THSD4: variants seen among roughly 807,000 people sequenced by gnomAD.
THSD4 encodes the protein thrombospondin type 1 domain containing 4, also known as thrombospondin type-1 domain-containing protein 4.
Under a neutral mutation model 119.0 loss-of-function variants are expected in THSD4, and 69 were observed. The ratio of observed to expected loss-of-function variants is 0.58; its 90% CI spans 0.48 to 0.71. THSD4 has a LOEUF of 0.71. THSD4 is among the 30% of genes least tolerant of loss of function. The probability of loss-of-function intolerance (pLI) is 0.00; values close to 1 mark genes in which losing one functional copy is unlikely to be tolerated. For synonymous variants in THSD4, 524 were observed against 540.4 expected (o/e 0.97, Z 0.42); for missense variants, 1,393 against 1,391.1 (o/e 1.00, Z -0.02).
intron 15 of THSD4, among the ~76,000 whole-genome samples, chr15:71,763,807 G>T (rs1172826760): frequency 1.3e-5 from 2 of 152,246 alleles, no homozygotes; most frequent in East Asian, 3.9e-4. Context: ...GCTCATGCCT[G>T]TAATCCCAGC....
chr15:71,345,081 T>G (rs2045636253), intron 6 of THSD4, among the ~76,000 whole-genome samples: 1 of 152,066 alleles, frequency 6.6e-6, no homozygotes, highest in South Asian at 2.1e-4. Flanking sequence ...GTTCTTCATC[T>G]TTATCCTTGA....
rs143375003 is a variant in THSD4 at position 71,289,332 on chromosome 15, T to G, written c.1015+32617T>G. Reference sequence around the variant, plus strand: ...TTTGCTTACCCCTCTCTGAACGGACTGTCCTGATGCTGCCTTTATGATGGT... The same window carrying G: ...TTTGCTTACCCCTCTCTGAACGGACGGTCCTGATGCTGCCTTTATGATGGT... On this transcript the variant is annotated intron_variant, in intron 6 of 17. Coordinates refer to ENST00000261862, the MANE Select transcript of THSD4 (RefSeq NM_024817.3). 4.3e-4 allele frequency among the ~76,000 whole-genome samples: 66 copies of G among 152,342 alleles called. 1 individual carries two copies. The East Asian group carries it at 0.013, about 29-fold the overall frequency.
intron 6 of THSD4, among the ~76,000 whole-genome samples, chr15:71,361,076 G>T (rs954827849): frequency 6.6e-6 from 1 of 152,210 alleles, no homozygotes; most frequent in Non-Finnish European, 1.5e-5. Context: ...AAAAGGAGAA[G>T]AGGTGAGCAG....
intron 8 of THSD4, among the ~76,000 whole-genome samples, chr15:71,712,259 T>G (rs916865683): frequency 6.6e-6 from 1 of 152,200 alleles, no homozygotes; most frequent in African/African-American, 2.4e-5. Context: ...AACAACACAC[T>G]TCTAAACAAT....
intron 6 of THSD4, among the ~76,000 whole-genome samples, chr15:71,301,414 TTTA>T (rs1378330040): frequency 2.0e-5 from 3 of 152,206 alleles, no homozygotes; most frequent in Non-Finnish European, 2.9e-5. Context: ...CATAATATAT[TTTA>T]TTATTTTATT....
At chr15:71,484,154 G>T (rs1201110657) in intron 7 of THSD4, among the ~76,000 whole-genome samples, 2 of 152,172 alleles carry the variant, frequency 1.3e-5, no homozygotes, top group Admixed American at 6.5e-5. Flanking sequence ...CTGCCGTCTG[G>T]AACGGAAACT....
intron 7 of THSD4, among the ~76,000 whole-genome samples, chr15:71,575,512 A>C (rs72739260): frequency 0.075 from 11,492 of 152,286 alleles, 496 homozygotes; most frequent in South Asian, 0.12. Flanking sequence ...GAGTACCTTC[A>C]TATACCCAGA....
At chr15:71,409,539 A>G (rs1194667942) in intron 6 of THSD4, among the ~76,000 whole-genome samples, 1 of 152,096 alleles carries the variant, frequency 6.6e-6, no homozygotes, top group Non-Finnish European at 1.5e-5. Context: ...CCATCTTGGT[A>G]TTCTTTTATT....
chr15:71,265,884 A>G (rs930680671), intron 6 of THSD4, among the ~76,000 whole-genome samples: 1 of 152,192 alleles, frequency 6.6e-6, no homozygotes, highest in Non-Finnish European at 1.5e-5. Context: ...CGGGAAAGTC[A>G]CTGTAACCAG....
intron 7 of THSD4, among the ~76,000 whole-genome samples, chr15:71,566,569 G>A (rs545383799): frequency 1.3e-5 from 2 of 152,256 alleles, no homozygotes; most frequent in African/African-American, 2.4e-5. Flanking sequence ...TGCCCCGAGA[G>A]TTTCTGTGCT....
chr15:71,141,571 T>C lies in THSD4; in HGVS notation c.29+15T>C. The C allele has an allele frequency of 6.2e-7, 1 of 1,602,678 alleles. No homozygotes were observed. Among genetic ancestry groups the C allele is most frequent in the South Asian group, 1.1e-5 (1 of 88,270 alleles). Reference sequence around the variant, plus strand: ...GGGTCTCTCAGGTAAGTGAAGAAACTTTTTTTAAAAAAACAGGAGAATAAG... The same window carrying C: ...GGGTCTCTCAGGTAAGTGAAGAAACCTTTTTTAAAAAAACAGGAGAATAAG... On this transcript the variant is annotated intron_variant, in intron 2 of 17. Coordinates refer to ENST00000261862, the MANE Select transcript of THSD4 (RefSeq NM_024817.3).
intron 6 of THSD4, among the ~76,000 whole-genome samples, chr15:71,407,062 T>A (rs545732602): frequency 6.6e-6 from 1 of 152,310 alleles, no homozygotes; most frequent in East Asian, 1.9e-4. Flanking sequence ...TATTATAAAA[T>A]GTACTTTTCT....
intron 8 of THSD4, among the ~76,000 whole-genome samples, chr15:71,727,577 TATATATATATACAC>T (rs1324009003): frequency 2.8e-4 from 10 of 36,080 alleles, no homozygotes; most frequent in Admixed American, 4.2e-4. Context: ...TATATATATA[TATATATATATACAC>T]ACACACACAC....
chr15:71,285,517 C>T (rs74401360), intron 6 of THSD4, among the ~76,000 whole-genome samples: 1 of 152,206 alleles, frequency 6.6e-6, no homozygotes, highest in Non-Finnish European at 1.5e-5. Context: ...AAGTACTTCA[C>T]TAATTGTTTT....
intron 7 of THSD4, among the ~76,000 whole-genome samples, chr15:71,539,327 C>T (rs1488936612): frequency 3.3e-5 from 5 of 152,172 alleles, no homozygotes; most frequent in African/African-American, 7.2e-5. Context: ...AGACTTTTTC[C>T]ACCTATTCCA....
intron 1 of THSD4, among the ~76,000 whole-genome samples, chr15:71,130,026 G>C (rs879884541): frequency 6.6e-6 from 1 of 152,170 alleles, no homozygotes; most frequent in Non-Finnish European, 1.5e-5. Context: ...GGGCGGAGCT[G>C]TTCCAGAGTG....
At chr15:71,567,602 C>CCCA (rs201007082) in intron 7 of THSD4, among the ~76,000 whole-genome samples, 31 of 142,612 alleles carry the variant, frequency 2.2e-4, no homozygotes, top group African/African-American at 5.4e-4. Context: ...AGACACCCCC[C>CCCA]CACACACACA....
chr15:71,274,379 A>G (rs541500275), intron 6 of THSD4, among the ~76,000 whole-genome samples: 2 of 152,256 alleles, frequency 1.3e-5, no homozygotes, highest in South Asian at 2.1e-4. Flanking sequence ...TGAAGATTGT[A>G]CAGACAAGAC....
chr15:71,556,475 G>A (rs1204142112), intron 7 of THSD4, among the ~76,000 whole-genome samples: 1 of 151,980 alleles, frequency 6.6e-6, no homozygotes, highest in Non-Finnish European at 1.5e-5. Flanking sequence ...ATCTGGCCAT[G>A]GTGGCTCATG....
Sources: allele counts gnomAD v4.1 joint callset (sites outside exome capture counted in the v4.1 genomes callset), GRCh38; gene constraint gnomAD v4.1.1; transcripts MANE v1.5; gene names NCBI Gene and HGNC (gene_info 2026-07-23, HGNC 2026-07-21).